ARIH1: variants seen among roughly 807,000 people sequenced by gnomAD.
ARIH1 encodes the protein E3 ubiquitin-protein ligase ARIH1.
Under a neutral mutation model 85.0 loss-of-function variants are expected in ARIH1, and 8 were observed. That is an observed-to-expected ratio of 0.09 (90% CI 0.06 to 0.17). The LOEUF is 0.17. Ranked by LOEUF, ARIH1 falls within the 10% of genes least tolerant of loss-of-function variation. The pLI is 1.00. For synonymous variants in ARIH1, 238 were observed against 253.6 expected, an observed-to-expected ratio of 0.94 and a Z score of 0.59; for missense variants, 311 against 718.1, an observed-to-expected ratio of 0.43 and a Z score of 6.48.
intron 5 of ARIH1, among the ~76,000 whole-genome samples, chr15:72,559,957 G>C (rs939903095): frequency 6.6e-6 from 1 of 152,140 alleles, no homozygotes; most frequent in African/African-American, 2.4e-5. Context: ...TTGTGTACAA[G>C]TTTTTCATTG....
chr15:72,485,592 G>A (rs751686407), intron 1 of ARIH1, among the ~76,000 whole-genome samples: 7 of 151,836 alleles, frequency 4.6e-5, no homozygotes, highest in Non-Finnish European at 1.0e-4. Flanking sequence ...CTTAGTACCT[G>A]TAGCACCCTG....
At chr15:72,531,089 AC>A (rs1178729586) in intron 2 of ARIH1, among the ~76,000 whole-genome samples, 1 of 152,212 alleles carries the variant, frequency 6.6e-6, no homozygotes, top group East Asian at 1.9e-4. Flanking sequence ...TCACATTTTA[AC>A]ATCTGAAATC....
At chr15:72,555,456 T>C in intron 4 of ARIH1, 93 bp downstream of exon 4, 9 of 831,834 alleles carry the variant, frequency 1.1e-5, no homozygotes, top group Non-Finnish European at 5.8e-6. Flanking sequence ...CAGGTGAAGC[T>C]TTATGTGTCA....
chr15:72,537,862 A>G (rs1319177500), intron 2 of ARIH1, among the ~76,000 whole-genome samples: 4 of 152,170 alleles, frequency 2.6e-5, no homozygotes, highest in Non-Finnish European at 5.9e-5. Flanking sequence ...TAAAACAGAA[A>G]TGTTTTGGTC....
At chr15:72,511,204 A>G (rs1595857093) in intron 1 of ARIH1, among the ~76,000 whole-genome samples, 1 of 152,146 alleles carries the variant, frequency 6.6e-6, no homozygotes, top group Non-Finnish European at 1.5e-5. Flanking sequence ...ATTTATACCT[A>G]TGTATTTCAC....
intron 1 of ARIH1, among the ~76,000 whole-genome samples, chr15:72,499,520 A>G (rs2063894261): frequency 6.6e-6 from 1 of 152,228 alleles, no homozygotes; most frequent in Admixed American, 6.5e-5. Flanking sequence ...GATTATAACC[A>G]AATGTTATTA....
chr15:72,581,125 A>G (rs1409408965), intron 12 of ARIH1, 134 bp downstream of exon 12: 11 of 948,472 alleles, frequency 1.2e-5, no homozygotes, highest in East Asian at 7.8e-5. Context: ...ATTTATTACA[A>G]AGATACAAGA....
intron 1 of ARIH1, among the ~76,000 whole-genome samples, chr15:72,485,524 T>G (rs879829077): frequency 6.6e-6 from 1 of 152,200 alleles, no homozygotes; most frequent in Non-Finnish European, 1.5e-5. Flanking sequence ...GTTTGCCTAT[T>G]GATTTTTTTT....
Position 72,587,310 on chromosome 15 carries a change from A to C in ARIH1, c.*4018A>C. On this transcript the variant is annotated 3_prime_UTR_variant, in exon 14 of 14. Transcript: ENST00000379887. ...GTACCAGGGAAGGTAGTTCTTAACT[A>C]TATTGTACTTTTAAACCACATTAAA... 6.1e-6 allele frequency: 2 copies of C among 329,462 alleles called. No individual in the cohort carries two copies. The highest frequency in any genetic ancestry group is 4.7e-4 in the Middle Eastern group (1 of 2,138). 20.4% of individuals were successfully genotyped at this position (329,462 alleles called of 1,614,324 possible).
In ARIH1 at chr15:72,561,568, T is replaced by C; in HGVS notation, c.804+19T>C. On this transcript the variant is annotated intron_variant, in intron 6 of 13. Transcript: ENST00000379887. The stretch of plus-strand genomic sequence containing the variant: ...TGTAGAGGTAAGTGATTTGTTTTCC[T>C]TCTTGTAAGAAGGAATTCTGTTTAT... 7.0e-7 allele frequency: 1 copy of C among 1,431,396 alleles called. No individual in the cohort carries two copies. Among genetic ancestry groups the C allele is most frequent in the Non-Finnish European group, 9.6e-7 (1 of 1,038,808 alleles). 88.7% of individuals were successfully genotyped at this position (1,431,396 alleles called of 1,614,324 possible).
At chr15:72,489,120 T>TA (rs2063848649) in intron 1 of ARIH1, among the ~76,000 whole-genome samples, 1 of 151,900 alleles carries the variant, frequency 6.6e-6, no homozygotes, top group Non-Finnish European at 1.5e-5. Flanking sequence ...CATGTGCCTG[T>TA]AGTCAGTTAC....
At chr15:72,476,045 AC>A (rs1316909044) in intron 1 of ARIH1, among the ~76,000 whole-genome samples, 1 of 152,228 alleles carries the variant, frequency 6.6e-6, no homozygotes, top group Non-Finnish European at 1.5e-5. Context: ...CTGGAAGGAA[AC>A]ATATATGAGC....
chr15:72,517,692 G>A (rs2063981389), intron 1 of ARIH1, among the ~76,000 whole-genome samples: 1 of 152,122 alleles, frequency 6.6e-6, no homozygotes, highest in African/African-American at 2.4e-5. Flanking sequence ...TCTAAGTGCT[G>A]GGATTACAGG....
chr15:72,505,576 T>C (rs1353342596), intron 1 of ARIH1, among the ~76,000 whole-genome samples: 2 of 152,234 alleles, frequency 1.3e-5, no homozygotes, highest in African/African-American at 4.8e-5. Context: ...TTGGTATTTC[T>C]GTTGAGCAGG....
At chr15:72,508,726 C>G (rs561429563) in intron 1 of ARIH1, among the ~76,000 whole-genome samples, 2 of 147,192 alleles carry the variant, frequency 1.4e-5, no homozygotes, top group African/African-American at 5.0e-5. Flanking sequence ...CGGAGTCTCT[C>G]TCTATCACCC....
rs1334440940 is a variant in ARIH1 at position 72,598,463 on chromosome 15, C to T, written c.*15171C>T. 1 of 151,806 alleles carries T rather than the reference C, an allele frequency of 6.6e-6. No individual in the cohort carries two copies. The highest frequency in any genetic ancestry group is 6.6e-5 in the Admixed American group (1 of 15,248). The allele number at this position is 151,806 out of a possible 1,614,324, so 9.4% of individuals were successfully genotyped here. ...GCACAGTGTCTCATGCCTGTAATCC[C>T]AGCACTTTGGGAGGCCGAGGCAGGT... On this transcript the variant is annotated 3_prime_UTR_variant, in exon 14 of 14. Transcript: ENST00000379887.
intron 1 of ARIH1, among the ~76,000 whole-genome samples, chr15:72,478,439 A>G (rs983135272): frequency 1.3e-5 from 2 of 152,160 alleles, no homozygotes; most frequent in African/African-American, 4.8e-5. Flanking sequence ...TTCTAATGTA[A>G]CTATATAAGT....
rs1031330749 is a variant in ARIH1 at position 72,575,686 on chromosome 15, A to G, written c.1215+3521A>G. Among the ~76,000 whole-genome samples, 4 of 152,126 alleles carry G rather than the reference A, an allele frequency of 2.6e-5. No homozygotes were observed. The South Asian group carries it at 8.3e-4, about 31-fold the overall frequency. ...AAGTCCCATAACATCATACATGTCA[A>G]TATGGTAAGGGAGGGTTTTCATTTC... On this transcript the variant is annotated intron_variant, in intron 11 of 13. Transcript: ENST00000379887.
At position 72,474,391 on chromosome 15, in the gene ARIH1, C is replaced by G; in HGVS notation, c.-249C>G. ...GACTGTTTTCTCTCGGAGGCCGGAG[C>G]GGAGCCGCGTCTGACTGAGGCGGGC... On this transcript the variant is annotated 5_prime_UTR_variant, in exon 1 of 14. Coordinates refer to ENST00000379887, the MANE Select transcript of ARIH1 (RefSeq NM_005744.5). 1.9e-6 allele frequency: 1 copy of G among 517,814 alleles called. No individual in the cohort carries two copies. The highest frequency in any genetic ancestry group is 3.4e-6 in the Non-Finnish European group (1 of 295,582). The allele number at this position is 517,814 out of a possible 1,614,324, so 32.1% of individuals were successfully genotyped here.
Sources: allele counts gnomAD v4.1 joint callset (sites outside exome capture counted in the v4.1 genomes callset), GRCh38; gene constraint gnomAD v4.1.1; transcripts MANE v1.5; gene names NCBI Gene and HGNC (gene_info 2026-07-23, HGNC 2026-07-21).